The following IRX6 variants were observed in gnomAD, a reference collection of about 807,000 sequenced individuals.
IRX6 encodes the protein iroquois-class homeodomain protein IRX-6.
Under a neutral mutation model 47.7 loss-of-function variants are expected in IRX6, and 46 were observed. The observed-to-expected ratio is 0.96, with a 90% confidence interval of 0.76 to 1.23. The LOEUF is 1.23. IRX6 is among the 50% of genes most tolerant of loss of function. IRX6 has a pLI of 0.00. For missense variants in IRX6, 722 were observed against 588.0 expected (o/e 1.23, Z -2.36); for synonymous variants, 265 against 246.2 (o/e 1.08, Z -0.72).
chr16:55,326,394 C>T lies in IRX6; in HGVS notation c.104C>T (p.Ser35Leu). ...TCCESTQRSV[S>L]DVASGSTPAP... The stretch of plus-strand genomic sequence containing the variant: ...TGCGAATCTACCCAACGCTCTGTCT[C>T]AGATGTGGCATCAGGCTCCACCCCA... The change falls in exon 2 of 6, where the codon TCA (serine) becomes TTA (leucine). Residue 35 changes from serine (S) to leucine (L), a missense_variant. Ser to Leu is a moderately radical substitution (Grantham distance 145). Transcript: ENST00000290552. 6.2e-7 allele frequency: 1 copy of T among 1,614,098 alleles called. No homozygotes were observed.
chr16:55,328,192 A>G (rs1349960401), intron 4 of IRX6, among the ~76,000 whole-genome samples: 2 of 152,064 alleles, frequency 1.3e-5, no homozygotes, highest in African/African-American at 4.8e-5. Flanking sequence ...CCTTTGCCAT[A>G]CTTGTCACTG....
chr16:55,325,534 A>AAGGAAGGAAG, intron 1 of IRX6, among the ~76,000 whole-genome samples: 3 of 51,940 alleles, frequency 5.8e-5, no homozygotes, highest in African/African-American at 1.9e-4. Flanking sequence ...AAGGAAGGAG[A>AAGGAAGGAAG]GAGAGAGAGA....
chr16:55,325,140 A>G lies in IRX6; in HGVS notation c.45+4A>G, dbSNP rs767192142. 21 of 1,613,710 alleles carry G rather than the reference A, an allele frequency of 1.3e-5. No individual in the cohort carries two copies. Among genetic ancestry groups the G allele is most frequent in the Non-Finnish European group, 1.7e-5 (20 of 1,179,898 alleles). ...CCCGTACCGCGGCGCTTCCCAGGTA[A>G]GAGGCGCCTCTATGGGGGATAGGGG... On this transcript the variant is annotated splice_donor_region_variant and intron_variant, in intron 1 of 5. Coordinates refer to ENST00000290552, the MANE Select transcript of IRX6 (RefSeq NM_024335.3).
Position 55,329,101 on chromosome 16 carries a change from A to T in IRX6, c.1123A>T (p.Ser375Cys), listed in dbSNP as rs546661838. 3 of 1,614,048 alleles carry T rather than the reference A, an allele frequency of 1.9e-6. No homozygotes were observed. The South Asian group carries it at 3.3e-5, about 18-fold the overall frequency. Residue 375 changes from serine (S) to cysteine (C), a missense_variant, in exon 5 of 6, where the codon AGT (serine) becomes TGT (cysteine). Ser to Cys is a moderately radical substitution (Grantham distance 112). Coordinates refer to ENST00000290552, the MANE Select transcript of IRX6 (RefSeq NM_024335.3). ...GAPPARPRPRSPECRMIPGQP... is the reference protein window; with the variant it reads ...GAPPARPRPRCPECRMIPGQP... ...ACCCCCAGCCCGGCCTAGGCCACGA[A>T]GTCCTGAGTGCCGTATGATTCCTGG...
intron 2 of IRX6, 113 bp from the exon 3 acceptor site, chr16:55,327,183 G>A: frequency 1.4e-6 from 1 of 735,228 alleles, no homozygotes; most frequent in Admixed American, 2.1e-5. Context: ...TGTGCCCAAG[G>A]TCACACGGCC....
In IRX6 at chr16:55,329,079, C is replaced by T. The variant is rs765400767; in HGVS notation, c.1101C>T (p.Pro367=). 10 of 1,614,004 alleles carry T rather than the reference C, an allele frequency of 6.2e-6. No homozygotes were observed. The highest frequency in any genetic ancestry group is 7.6e-6 in the Non-Finnish European group (9 of 1,180,054). ...CAGCCAGCGCTGTTGAAGGTGCACC[C>T]CCAGCCCGGCCTAGGCCACGAAGTC... ...TATASAVEGA[P]PARPRPRSPE... Residue 367 remains proline (P), a synonymous_variant, in exon 5 of 6, where the codon CCC becomes CCT. Coordinates refer to ENST00000290552, the MANE Select transcript of IRX6 (RefSeq NM_024335.3).
intron 5 of IRX6, among the ~76,000 whole-genome samples, 159 bp from the exon 6 acceptor site, chr16:55,330,139 G>A (rs1221466844): frequency 6.6e-6 from 1 of 152,252 alleles, no homozygotes; most frequent in Non-Finnish European, 1.5e-5. Context: ...GGGTTACACT[G>A]TTATTTGAAT....
chr16:55,328,624 GC>G, intron 4 of IRX6, 75 bp from the exon 5 acceptor site: 1 of 1,493,610 alleles, frequency 6.7e-7, no homozygotes, highest in African/African-American at 1.4e-5. Context: ...CTTGCTAAAA[GC>G]TTCTCGGGGA....
At position 55,324,258 on chromosome 16, in the gene IRX6, C is replaced by T. The variant is rs1200645621; in HGVS notation, c.-834C>T. On this transcript the variant is annotated 5_prime_UTR_variant, in exon 1 of 6. Coordinates refer to ENST00000290552, the MANE Select transcript of IRX6 (RefSeq NM_024335.3). The surrounding 1 kb of genome is among the most constrained non-coding windows in gnomAD (Gnocchi z 4.4). ...CCACCCCAGCTCCCTCCCCCTCCCCCACGCGCCTCTGTTCACTCAGACTCC... is the reference window on the plus strand; with the variant it reads ...CCACCCCAGCTCCCTCCCCCTCCCCTACGCGCCTCTGTTCACTCAGACTCC... The T allele has an allele frequency of 1.3e-5, 2 of 151,954 alleles. No homozygotes were observed. Among genetic ancestry groups the T allele is most frequent in the African/African-American group, 2.4e-5 (1 of 41,274 alleles). 9.4% of individuals were successfully genotyped at this position (151,954 alleles called of 1,614,324 possible). A position where few individuals can be genotyped will look rare whatever the true frequency, so the allele number is the denominator to read the frequency against.
intron 1 of IRX6, 43 bp from the exon 2 acceptor site, chr16:55,326,293 G>GGT (rs1555483993): frequency 7.0e-7 from 1 of 1,434,604 alleles, no homozygotes; most frequent in Non-Finnish European, 9.6e-7. Context: ...GGGGGTGGGG[G>GGT]GGGGGTCTCT....
In IRX6 at chr16:55,329,250, T is replaced by C. The variant is rs1430805678; in HGVS notation, c.1272T>C (p.Cys424=). The C allele has an allele frequency of 3.7e-5, 59 of 1,613,482 alleles. No homozygotes were observed. The highest frequency in any genetic ancestry group is 4.8e-5 in the Non-Finnish European group (57 of 1,179,966). Residue 424 remains cysteine (C), a synonymous_variant, in exon 5 of 6, where the codon TGT becomes TGC. Transcript: ENST00000290552. ...KFALQGLPLN[C]APCPRRSEPV... Reference sequence around the variant, plus strand: ...CCCTGCAGGGACTACCGCTGAACTGTGCGCCGTGCCCGCGGAGGAGCGAGC... The same window carrying C: ...CCCTGCAGGGACTACCGCTGAACTGCGCGCCGTGCCCGCGGAGGAGCGAGC...
Position 55,330,437 on chromosome 16 carries a change from A to G in IRX6, c.*132A>G. On this transcript the variant is annotated 3_prime_UTR_variant, in exon 6 of 6. Coordinates refer to ENST00000290552, the MANE Select transcript of IRX6 (RefSeq NM_024335.3). ...CTTTGCCTAAGAGACAGACACACAG[A>G]AACCCTCCTAGCAGCTGTCCTTGCA... 1 of 891,700 alleles carries G rather than the reference A, an allele frequency of 1.1e-6. No individual in the cohort carries two copies. Among genetic ancestry groups the G allele is most frequent in the Non-Finnish European group, 1.9e-6 (1 of 532,350 alleles). 55.2% of individuals were successfully genotyped at this position (891,700 alleles called of 1,614,324 possible).
chr16:55,330,571 G>A lies in IRX6; in HGVS notation c.*266G>A. The A allele has an allele frequency of 1.8e-6, 1 of 554,674 alleles. No homozygotes were observed. The highest frequency in any genetic ancestry group is 3.2e-6 in the Non-Finnish European group (1 of 310,252). The allele number at this position is 554,674 out of a possible 1,614,324, so 34.4% of individuals were successfully genotyped here. A position where few individuals can be genotyped will look rare whatever the true frequency, so the allele number is the denominator to read the frequency against. On this transcript the variant is annotated 3_prime_UTR_variant, in exon 6 of 6. Transcript: ENST00000290552. Reference sequence around the variant, plus strand: ...AGGCTGGGAGGCTGCCCCACCCACCGACTCTACCAAGTCTCTCTTCCTCCT... The same window carrying A: ...AGGCTGGGAGGCTGCCCCACCCACCAACTCTACCAAGTCTCTCTTCCTCCT...
At chr16:55,329,356 C>G in intron 5 of IRX6, 45 bp downstream of exon 5, 1 of 1,542,640 alleles carries the variant, frequency 6.5e-7, no homozygotes, top group Non-Finnish European at 8.7e-7. Flanking sequence ...GCAAAAGACA[C>G]CCACCTACCG....
At position 55,324,928 on chromosome 16, in the gene IRX6, T is replaced by C. The variant is rs1596878484; in HGVS notation, c.-164T>C. On this transcript the variant is annotated 5_prime_UTR_variant, in exon 1 of 6. Transcript: ENST00000290552. This position sits in a 1 kb window ranked among gnomAD's most constrained non-coding sequence, Gnocchi z 4.4. Reference sequence around the variant, plus strand: ...GGAGCGCAGGGCTCGGCAGCCGGGCTGCCCTCGGCTCTGCCTCCACTGGGG... The same window carrying C: ...GGAGCGCAGGGCTCGGCAGCCGGGCCGCCCTCGGCTCTGCCTCCACTGGGG... The C allele has an allele frequency of 5.9e-6, 4 of 680,536 alleles. No homozygotes were observed. The East Asian group carries it at 1.1e-4, about 19-fold the overall frequency. The allele number at this position is 680,536 out of a possible 1,614,324, so 42.2% of individuals were successfully genotyped here.
intron 4 of IRX6, 107 bp downstream of exon 4, chr16:55,328,000 C>A: frequency 9.2e-7 from 1 of 1,085,070 alleles, no homozygotes; most frequent in Non-Finnish European, 1.3e-6. Flanking sequence ...GGTCCTCAGA[C>A]TTACCCTTGC....
At chr16:55,325,567 A>AGG (rs1567338616) in intron 1 of IRX6, among the ~76,000 whole-genome samples, 3 of 57,660 alleles carry the variant, frequency 5.2e-5, no homozygotes, top group Non-Finnish European at 1.2e-4. Context: ...GAGAGAAAGA[A>AGG]AGAGAAAGAA....
In IRX6 at chr16:55,324,830, ATCT is replaced by A. The variant is rs1249461854; in HGVS notation, c.-256_-254del. ...CCACCACGCGCCTTTGGGAACCCGC[ATCT>A]TCTTCCTTCCCCTGCCCATCCATGG... is the stretch of plus-strand genomic sequence containing the variant. On this transcript the variant is annotated 5_prime_UTR_variant, in exon 1 of 6. Coordinates refer to ENST00000290552, the MANE Select transcript of IRX6 (RefSeq NM_024335.3). The surrounding 1 kb of genome is among the most constrained non-coding windows in gnomAD (Gnocchi z 4.4). 7 of 549,608 alleles carry A rather than the reference ATCT, an allele frequency of 1.3e-5. No individual in the cohort carries two copies. Among genetic ancestry groups the A allele is most frequent in the Non-Finnish European group, 1.9e-5 (6 of 308,108 alleles). The allele number at this position is 549,608 out of a possible 1,614,324, so 34.0% of individuals were successfully genotyped here. A position where few individuals can be genotyped will look rare whatever the true frequency, so the allele number is the denominator to read the frequency against.
In IRX6 at chr16:55,327,349, A is replaced by G; in HGVS notation, c.357A>G (p.Ala119=). Residue 119 remains alanine (A), a synonymous_variant, in exon 3 of 6, where the codon GCA becomes GCG. Transcript: ENST00000290552. ...CAGGGAGTTTTACATCCAGCCTGGC[A>G]CAACCAGGAGCCTATTATCCCTATG... ...EAAGSFTSSL[A]QPGAYYPYER... The G allele has an allele frequency of 6.2e-7, 1 of 1,614,026 alleles. No individual in the cohort carries two copies.
Sources: gnomAD v4.1 joint callset for allele counts (sites outside exome capture counted in the v4.1 genomes callset) on GRCh38, gnomAD v4.1.1 for gene constraint, Gnocchi (gnomAD v3.1) non-coding constraint, MANE v1.5 for transcripts, NCBI Gene and HGNC (gene_info 2026-07-23, HGNC 2026-07-21) for gene names.